The following MCF2L2 variants were observed in gnomAD, a reference collection of about 807,000 sequenced individuals.
The protein encoded by MCF2L2 is MCF.2 cell line derived transforming sequence-like 2, also known as probable guanine nucleotide exchange factor MCF2L2.
In MCF2L2, 102 loss-of-function variants were observed where a neutral mutation model predicts 150.2. The observed-to-expected ratio is 0.68, with a 90% CI of 0.58 to 0.80. The LOEUF (loss-of-function observed/expected upper bound fraction) is 0.80, where lower values mean the gene tolerates loss of function less well. Among genes scored for constraint, MCF2L2 ranks in the 30% least tolerant of loss-of-function variants. The pLI, the probability that MCF2L2 is intolerant of heterozygous loss-of-function variation, is 0.00. For missense variants in MCF2L2, 1,256 were observed against 1,372.8 expected, an observed-to-expected ratio of 0.91 and a Z score of 1.34; for synonymous variants, 465 against 491.3, an observed-to-expected ratio of 0.95 and a Z score of 0.71.
At chr3:183,246,934 G>T (rs1019021009) in intron 15 of MCF2L2, among the ~76,000 whole-genome samples, 1 of 152,056 alleles carries the variant, frequency 6.6e-6, no homozygotes, top group African/African-American at 2.4e-5. Flanking sequence ...TAATGTGTGC[G>T]TTATCTTACT....
At chr3:183,327,295 A>C in intron 5 of MCF2L2, among the ~76,000 whole-genome samples, 1 of 152,214 alleles carries the variant, frequency 6.6e-6, no homozygotes, top group East Asian at 1.9e-4. Context: ...ACTGCACTCC[A>C]ACCTGGGTGA....
At chr3:183,194,739 G>A (rs909846729) in intron 26 of MCF2L2, among the ~76,000 whole-genome samples, 3 of 152,028 alleles carry the variant, frequency 2.0e-5, no homozygotes, top group East Asian at 1.9e-4. Flanking sequence ...GTGGGGTTGC[G>A]AACTGATTTA....
At chr3:183,423,829 G>A (rs1349079615) in intron 1 of MCF2L2, among the ~76,000 whole-genome samples, 1 of 151,882 alleles carries the variant, frequency 6.6e-6, no homozygotes, top group African/African-American at 2.4e-5. Flanking sequence ...GTAGAGACAG[G>A]GTTGGTCAGG....
At chr3:183,180,387 C>T in intron 27 of MCF2L2, 1 of 487,864 alleles carries the variant, frequency 2.0e-6, no homozygotes, top group Non-Finnish European at 3.6e-6. Flanking sequence ...CGTCCACATG[C>T]TGTTCATGGC....
At chr3:183,339,833 A>G (rs1362719218) in intron 4 of MCF2L2, among the ~76,000 whole-genome samples, 1 of 152,112 alleles carries the variant, frequency 6.6e-6, no homozygotes, top group African/African-American at 2.4e-5. Context: ...AAATCTAGGT[A>G]TCAGTATTTT....
chr3:183,203,861 C>T (rs1399609968), intron 25 of MCF2L2, among the ~76,000 whole-genome samples: 1 of 152,112 alleles, frequency 6.6e-6, no homozygotes, highest in Non-Finnish European at 1.5e-5. Context: ...AAGGACTCTT[C>T]AATAAGATTA....
chr3:183,342,692 G>A (rs1730753027), intron 3 of MCF2L2, among the ~76,000 whole-genome samples: 1 of 148,694 alleles, frequency 6.7e-6, no homozygotes, highest in Admixed American at 6.7e-5. Flanking sequence ...GTACAAACAT[G>A]TAAAATGCTC....
At chr3:183,404,674 A>G (rs1714943827) in intron 1 of MCF2L2, among the ~76,000 whole-genome samples, 1 of 152,228 alleles carries the variant, frequency 6.6e-6, no homozygotes, top group Admixed American at 6.5e-5. Context: ...CAGCCTGGCC[A>G]ACATGGTGAA....
rs1723375976 is a variant in MCF2L2, at chr3:183,227,249, GA to G, written c.2115+1047del. The G allele has an allele frequency of 6.6e-6, 1 of 152,224 alleles. No homozygotes were observed. 9.4% of individuals were successfully genotyped at this position (152,224 alleles called of 1,614,324 possible). A position where few individuals can be genotyped will look rare whatever the true frequency, so the allele number is the denominator to read the frequency against. ...CGTGTCCTAGAAAGTACCTGGTGGG[GA>G]TTGATGTTGGGTGGAACATTTCTCT... On this transcript the variant is annotated intron_variant, in intron 18 of 29. Transcript: ENST00000328913. The surrounding 1 kb of genome is among the most constrained non-coding windows in gnomAD (Gnocchi z 4.0).
At chr3:183,216,622 CGA>C (rs1431974082) in intron 21 of MCF2L2, among the ~76,000 whole-genome samples, 9 of 98,826 alleles carry the variant, frequency 9.1e-5, no homozygotes, top group Admixed American at 6.5e-4. Context: ...TTTTTGAGAG[CGA>C]GAGAGAGTTT....
intron 15 of MCF2L2, chr3:183,273,165 T>C (rs147029834): frequency 2.8e-4 from 154 of 543,128 alleles, no homozygotes; most frequent in Non-Finnish European, 4.0e-4. Context: ...AAAGGGAAAA[T>C]AAACTATCAG....
At chr3:183,405,783 T>A (rs764446526) in intron 1 of MCF2L2, among the ~76,000 whole-genome samples, 1 of 152,220 alleles carries the variant, frequency 6.6e-6, no homozygotes. Context: ...TGGCGTGATC[T>A]TGGCTCACTG....
At chr3:183,276,989 T>C in intron 14 of MCF2L2, 32 bp from the exon 15 acceptor site, 1 of 1,398,566 alleles carries the variant, frequency 7.2e-7, no homozygotes, top group East Asian at 2.4e-5. Context: ...TAAGATTTGA[T>C]ATTGTAGGGA....
chr3:183,202,503 T>A (rs928192358), intron 25 of MCF2L2, among the ~76,000 whole-genome samples: 4 of 152,232 alleles, frequency 2.6e-5, no homozygotes, highest in African/African-American at 9.6e-5. Context: ...CTTGATGATC[T>A]GCACAAACAG....
intron 15 of MCF2L2, chr3:183,254,900 CAG>C (rs1376658024): frequency 6.6e-6 from 1 of 152,262 alleles, no homozygotes; most frequent in Non-Finnish European, 1.5e-5. Flanking sequence ...CCTGATGTGA[CAG>C]AGGCAATTGC....
At chr3:183,306,624 G>A (rs1729112598) in intron 10 of MCF2L2, among the ~76,000 whole-genome samples, 1 of 152,224 alleles carries the variant, frequency 6.6e-6, no homozygotes, top group Admixed American at 6.5e-5. Flanking sequence ...TGGAGTGTGT[G>A]TATGGGGAGG....
At chr3:183,206,966 G>GGGAGA (rs1722510583) in intron 23 of MCF2L2, among the ~76,000 whole-genome samples, 2 of 10,498 alleles carry the variant, frequency 1.9e-4, no homozygotes, top group Non-Finnish European at 2.5e-4. Flanking sequence ...AGGAAGGAAG[G>GGGAGA]AAGGAAGGGA....
chr3:183,388,812 T>C (rs148522274), intron 2 of MCF2L2, among the ~76,000 whole-genome samples: 3 of 152,138 alleles, frequency 2.0e-5, no homozygotes, highest in African/African-American at 7.2e-5. Flanking sequence ...ATCAGTGGGA[T>C]GAGGAGCTTG....
chr3:183,209,554 C>G (rs1413406653), intron 22 of MCF2L2, among the ~76,000 whole-genome samples: 1 of 152,102 alleles, frequency 6.6e-6, no homozygotes, highest in Non-Finnish European at 1.5e-5. Context: ...AGTGGCACGA[C>G]CTTGGCTCAC....
Sources: gnomAD v4.1 joint callset for allele counts (sites outside exome capture counted in the v4.1 genomes callset) on GRCh38, gnomAD v4.1.1 for gene constraint, Gnocchi (gnomAD v3.1) non-coding constraint, MANE v1.5 for transcripts, NCBI Gene and HGNC (gene_info 2026-07-23, HGNC 2026-07-21) for gene names.